Variants in LRBA observed in about 807,000 individuals in gnomAD.
The protein encoded by LRBA is LPS responsive beige-like anchor protein.
A neutral mutation model predicts 330.0 loss-of-function variants in LRBA; 176 were observed. The ratio of observed to expected loss-of-function variants is 0.53; its 90% CI spans 0.47 to 0.60. The LOEUF (loss-of-function observed/expected upper bound fraction) is 0.60, where lower values mean the gene tolerates loss of function less well. Ranked by LOEUF, LRBA falls within the 20% of genes least tolerant of loss-of-function variation. The pLI, the probability that LRBA is intolerant of heterozygous loss-of-function variation, is 0.00. For synonymous variants in LRBA, 1,230 were observed against 1,193.0 expected (o/e 1.03, Z -0.64); for missense variants, 3,259 against 3,444.8 (o/e 0.95, Z 1.35).
intron 36 of LRBA, among the ~76,000 whole-genome samples, chr4:150,712,690 C>T (rs189619047): frequency 8.5e-5 from 13 of 152,170 alleles, no homozygotes; most frequent in African/African-American, 1.9e-4. Flanking sequence ...CAAAAAATTA[C>T]GCTACGATTA....
At position 150,669,741 on chromosome 4, in the gene LRBA, T is replaced by C. The variant is rs563687056; in HGVS notation, c.5921+13810A>G. ...CCACCACGCCCAGATAATTGTTGTA[T>C]TTTTAGTAGATACAGGGTTTCACCA... On this transcript the variant is annotated intron_variant, in intron 37 of 56. Coordinates refer to ENST00000651943, the MANE Select transcript of LRBA (RefSeq NM_001364905.1). Among the ~76,000 whole-genome samples the C allele has an allele frequency of 1.9e-3, 287 of 152,228 alleles. 3 individuals are homozygous for C. The highest frequency in any genetic ancestry group is 6.6e-3 in the African/African-American group (275 of 41,532).
Position 150,848,833 on chromosome 4 carries a change from G to C in LRBA, c.4324C>G (p.Gln1442Glu), listed in dbSNP as rs750833059. The C allele has an allele frequency of 1.2e-6, 2 of 1,604,364 alleles. No individual in the cohort carries two copies. The change falls in exon 26 of 57, where the codon CAG becomes GAG. Residue 1442 changes from glutamine to glutamate, a missense_variant. Physicochemically the swap from Gln to Glu is conservative, Grantham distance 29. Transcript: ENST00000651943. Reference protein sequence around the residue: ...KSMSSGGILRQCLRLVCAVAV... With the variant: ...KSMSSGGILRECLRLVCAVAV... ...AGCAGCTCACCTAGTCGGAGACACT[G>C]CCGCAAAATTCCTCCAGATGACATA...
At chr4:150,381,983 T>C (rs1358650778) in intron 47 of LRBA, among the ~76,000 whole-genome samples, 2 of 152,236 alleles carry the variant, frequency 1.3e-5, no homozygotes, top group African/African-American at 2.4e-5. Flanking sequence ...ATTCAAATCC[T>C]TTGCCCAGTT....
At chr4:150,951,372 T>A (rs12501829) in intron 2 of LRBA, among the ~76,000 whole-genome samples, 116,594 of 151,478 alleles carry the variant, frequency 0.77, 49,105 homozygotes, top group Non-Finnish European at 0.95. Flanking sequence ...ATCATCTTTT[T>A]ACAAAAAAAA....
At chr4:150,392,416 G>A (rs368654134) in intron 47 of LRBA, among the ~76,000 whole-genome samples, 11 of 152,132 alleles carry the variant, frequency 7.2e-5, no homozygotes, top group African/African-American at 2.7e-4. Flanking sequence ...CATATTTGCT[G>A]TTTCTTCTTA....
At chr4:150,883,218 T>C (rs1728594883) in intron 17 of LRBA, among the ~76,000 whole-genome samples, 1 of 152,172 alleles carries the variant, frequency 6.6e-6, no homozygotes, top group African/African-American at 2.4e-5. Context: ...CCCAGCACTT[T>C]GGGAGGCCAA....
chr4:150,943,031 CCT>C (rs1460425549), intron 2 of LRBA, among the ~76,000 whole-genome samples: 2 of 152,076 alleles, frequency 1.3e-5, no homozygotes, highest in African/African-American at 2.4e-5. Context: ...GTCGAAATCT[CCT>C]CTCATTGTTT....
At chr4:150,647,352 C>CTT (rs769403201) in intron 37 of LRBA, among the ~76,000 whole-genome samples, 42,863 of 80,126 alleles carry the variant, frequency 0.53, 12,912 homozygotes, top group East Asian at 0.64. Flanking sequence ...ATTACTTTTT[C>CTT]TTTTTTTTTT....
chr4:150,797,995 T>G lies in LRBA; in HGVS notation c.5580+86A>C, dbSNP rs944083998. ...CTCACAATTTTATTATACCAAAAAT[T>G]TCAGTAATGCAAATATAAAATCCCC... is the stretch of plus-strand genomic sequence containing the variant. On this transcript the variant is annotated intron_variant, in intron 34 of 56. Transcript: ENST00000651943. 2.8e-5 allele frequency: 24 copies of G among 847,328 alleles called. No individual in the cohort carries two copies. The African/African-American group carries it at 3.5e-4, about 12-fold the overall frequency. The allele number at this position is 847,328 out of a possible 1,614,324, so 52.5% of individuals were successfully genotyped here.
At chr4:150,693,208 T>C (rs891710711) in intron 36 of LRBA, among the ~76,000 whole-genome samples, 7 of 152,140 alleles carry the variant, frequency 4.6e-5, no homozygotes, top group African/African-American at 1.7e-4. Context: ...GGAAACATAA[T>C]GTTGAAATAA....
intron 2 of LRBA, among the ~76,000 whole-genome samples, chr4:150,983,411 T>G (rs753969948): frequency 3.3e-5 from 5 of 150,834 alleles, no homozygotes; most frequent in Non-Finnish European, 4.4e-5. Flanking sequence ...GCTGTGTTCA[T>G]GCCACTGCAA....
intron 44 of LRBA, among the ~76,000 whole-genome samples, 176 bp downstream of exon 44, chr4:150,467,497 T>C (rs747965177): frequency 6.6e-6 from 1 of 152,106 alleles, no homozygotes; most frequent in African/African-American, 2.4e-5. Context: ...AAAAGAGAAG[T>C]AGTGTTTATC....
Position 150,277,905 on chromosome 4 carries a change from A to C in LRBA, c.8416T>G (p.Tyr2806Asp), listed in dbSNP as rs774482865. Residue 2806 changes from tyrosine to aspartate, a missense_variant, in exon 56 of 57, where the codon TAT (tyrosine) becomes GAT (aspartate). Transcript: ENST00000651943. The stretch of plus-strand genomic sequence containing the variant: ...CGGATTCCAGCGTCACATCCTGGAT[A>C]GGCAAAGAGCTGCTTGAGGTCCGAC... ...QVSDLKQLFAYPGCDAGIRAM... is the reference protein window; with the variant it reads ...QVSDLKQLFADPGCDAGIRAM... 1 of 1,614,142 alleles carries C rather than the reference A, an allele frequency of 6.2e-7. No individual in the cohort carries two copies. Among genetic ancestry groups the C allele is most frequent in the Non-Finnish European group, 8.5e-7 (1 of 1,180,024 alleles).
intron 44 of LRBA, among the ~76,000 whole-genome samples, chr4:150,445,375 C>CTATA (rs1252418045): frequency 1.2e-5 from 1 of 82,966 alleles, no homozygotes; most frequent in African/African-American, 4.5e-5. Context: ...CTCTCTCTCT[C>CTATA]TCTATATATA....
At chr4:150,319,713 A>G (rs902264409) in intron 50 of LRBA, among the ~76,000 whole-genome samples, 1 of 152,080 alleles carries the variant, frequency 6.6e-6, no homozygotes, top group Admixed American at 6.5e-5. Flanking sequence ...TTCATTTCCA[A>G]TATACCCAGG....
intron 2 of LRBA, chr4:151,014,176 T>C (rs1033386073): frequency 2.9e-5 from 11 of 373,888 alleles, no homozygotes; most frequent in Non-Finnish European, 4.3e-5. Flanking sequence ...AATACTTCCA[T>C]AGCAACAATT....
At chr4:150,299,834 G>A (rs1310771436) in intron 53 of LRBA, among the ~76,000 whole-genome samples, 2 of 151,830 alleles carry the variant, frequency 1.3e-5, no homozygotes, top group African/African-American at 4.8e-5. Context: ...TTAAAGTTGA[G>A]GTATTAATGT....
chr4:150,857,876 C>G (rs1459868768), intron 22 of LRBA, among the ~76,000 whole-genome samples: 1 of 152,040 alleles, frequency 6.6e-6, no homozygotes, highest in Admixed American at 6.6e-5. Flanking sequence ...CTTTACTTCT[C>G]CATAATGTCA....
At chr4:150,902,954 C>T (rs1398921452) in intron 13 of LRBA, among the ~76,000 whole-genome samples, 2 of 152,120 alleles carry the variant, frequency 1.3e-5, no homozygotes, top group Non-Finnish European at 2.9e-5. Flanking sequence ...AGGATATTTC[C>T]ATTTTTAAGC....
Sources: allele counts gnomAD v4.1 joint callset (sites outside exome capture counted in the v4.1 genomes callset), GRCh38; gene constraint gnomAD v4.1.1; transcripts MANE v1.5; gene names NCBI Gene and HGNC (gene_info 2026-07-23, HGNC 2026-07-21).